Variants in AARSD1 observed in about 807,000 individuals in gnomAD.
AARSD1 encodes alanyl-tRNA editing protein Aarsd1.
In AARSD1, 44 loss-of-function variants were observed where a neutral mutation model predicts 48.7. That is an observed-to-expected ratio of 0.90 (90% CI 0.71 to 1.16). The LOEUF (loss-of-function observed/expected upper bound fraction) is 1.16. Ranked by LOEUF, AARSD1 falls within the 50% of genes most tolerant of loss-of-function variation. The pLI is 0.00. For missense variants in AARSD1, 511 were observed against 523.1 expected (o/e 0.98, Z 0.23); for synonymous variants, 189 against 194.9 (o/e 0.97, Z 0.25).
At chr17:42,961,516 C>CA (rs2049637941) in intron 2 of AARSD1, among the ~76,000 whole-genome samples, 165 bp from the exon 3 acceptor site, 1 of 152,192 alleles carries the variant, frequency 6.6e-6, no homozygotes, top group African/African-American at 2.4e-5. Context: ...AGAGGATTCT[C>CA]AGTCCTTTTC....
chr17:42,956,300 A>G lies in AARSD1; in HGVS notation c.567T>C (p.Pro189=), dbSNP rs781748785. Residue 189 remains proline, a synonymous_variant, in exon 6 of 12, where the codon CCT becomes CCC. Transcript: ENST00000427569. ...EVEQVSGRGL[P]DDHAGPIRVV... is the part of the protein sequence containing the mutation. ...CCCGAATGGGCCCAGCATGATCATC[A>G]GGCAAACCCCGGCCACTCACCTGGA... 15 of 1,614,104 alleles carry G rather than the reference A, an allele frequency of 9.3e-6. No homozygotes were observed. The Admixed American group carries it at 2.3e-4, about 25-fold the overall frequency.
intron 3 of AARSD1, among the ~76,000 whole-genome samples, chr17:42,959,796 T>C (rs1041911120): frequency 6.6e-6 from 1 of 151,770 alleles, no homozygotes; most frequent in Non-Finnish European, 1.5e-5. Context: ...CCTGAGCAGC[T>C]AGGACTACAG....
intron 3 of AARSD1, among the ~76,000 whole-genome samples, chr17:42,958,678 C>T (rs2049591062): frequency 6.7e-6 from 1 of 150,176 alleles, no homozygotes; most frequent in South Asian, 2.1e-4. Flanking sequence ...TCAAGCGATT[C>T]TCCTGCCTCA....
intron 3 of AARSD1, 48 bp downstream of exon 3, chr17:42,961,144 C>CA (rs754986118): frequency 6.4e-7 from 1 of 1,570,262 alleles, no homozygotes; most frequent in Admixed American, 1.9e-5. Context: ...ACAGCATCCC[C>CA]ATACATGGCA....
intron 6 of AARSD1, 112 bp from the exon 7 acceptor site, chr17:42,956,084 A>G (rs899284507): frequency 1.2e-6 from 2 of 1,609,244 alleles, no homozygotes; most frequent in African/African-American, 2.7e-5. Flanking sequence ...GCTCTGAAAC[A>G]GTGAAGGGGA....
intron 3 of AARSD1, among the ~76,000 whole-genome samples, chr17:42,959,440 T>G (rs2049602190): frequency 6.6e-6 from 1 of 151,708 alleles, no homozygotes; most frequent in African/African-American, 2.4e-5. Context: ...GGTCTCGAAC[T>G]CCTGGCCTCA....
chr17:42,953,379 G>A (rs1253605280), intron 10 of AARSD1, among the ~76,000 whole-genome samples: 2 of 152,058 alleles, frequency 1.3e-5, no homozygotes, highest in Non-Finnish European at 2.9e-5. Context: ...CAAAGTGCTG[G>A]GATTACATGC....
chr17:42,962,226 G>T, intron 2 of AARSD1: 1 of 306,104 alleles, frequency 3.3e-6, no homozygotes, highest in Admixed American at 3.6e-5. Flanking sequence ...CTTGAACCTG[G>T]CAGACGGAGA....
intron 3 of AARSD1, among the ~76,000 whole-genome samples, chr17:42,960,637 G>A (rs928075534): frequency 9.4e-5 from 14 of 149,730 alleles, no homozygotes; most frequent in African/African-American, 2.2e-4. Flanking sequence ...CAGGAGAATC[G>A]CTTGAACCCG....
Position 42,950,672 on chromosome 17 carries a change from T to A in AARSD1, c.1160A>T (p.Lys387Met), listed in dbSNP as rs750412082. ...CATCCGCCGGCTCATCTTGGTGGCC[T>A]TGCCCTGAAAACGGCCTTTCTTCCC... ...GAGKKGRFQGKATKMSRRMEA... is the reference protein window; with the variant it reads ...GAGKKGRFQGMATKMSRRMEA... The change falls in exon 12 of 12, where the codon AAG (lysine) becomes ATG (methionine). Residue 387 changes from lysine (K) to methionine (M), a missense_variant. Physicochemically the swap from Lys to Met is moderately conservative, Grantham distance 95. Transcript: ENST00000427569. 64 of 1,613,906 alleles carry A rather than the reference T, an allele frequency of 4.0e-5. No homozygotes were observed. The highest frequency in any genetic ancestry group is 5.1e-5 in the Non-Finnish European group (60 of 1,179,996).
rs1466489897 is a variant in AARSD1 at position 42,956,202 on chromosome 17, A to C, written c.663+2T>G. ...GCCACTCCACAGCCGTTCCTCACTT[A>C]CCTGAAGGTCACTGAGATTGCTCAC... On this transcript the variant is annotated splice_donor_variant, in intron 6 of 11. Coordinates refer to ENST00000427569, the MANE Select transcript of AARSD1 (RefSeq NM_001261434.2). LOFTEE classifies it high-confidence loss of function. 1.2e-6 allele frequency: 2 copies of C among 1,613,720 alleles called. No individual in the cohort carries two copies. The highest frequency in any genetic ancestry group is 1.7e-6 in the Non-Finnish European group (2 of 1,179,976).
intron 2 of AARSD1, 38 bp downstream of exon 2, chr17:42,964,068 G>C (rs367864000): frequency 9.5e-5 from 154 of 1,612,984 alleles, no homozygotes; most frequent in Middle Eastern, 1.6e-4. Flanking sequence ...TGAGCACAAA[G>C]AAACTGGGGG....
At chr17:42,950,820 G>C in intron 11 of AARSD1, 92 bp from the exon 12 acceptor site, 3 of 1,509,342 alleles carry the variant, frequency 2.0e-6, no homozygotes, top group Non-Finnish European at 2.6e-6. Context: ...GGGACTGGGA[G>C]AGGGATAAGA....
chr17:42,955,007 A>T (rs764566448), intron 8 of AARSD1, 40 bp from the exon 9 acceptor site: 2 of 1,613,728 alleles, frequency 1.2e-6, no homozygotes, highest in South Asian at 2.2e-5. Context: ...AATGGAAAGG[A>T]TAACAATAGA....
intron 4 of AARSD1, 60 bp downstream of exon 4, chr17:42,957,078 C>T (rs1221458821): frequency 2.1e-5 from 33 of 1,601,272 alleles, no homozygotes; most frequent in East Asian, 9.0e-5. Flanking sequence ...CTCCCACCTC[C>T]GCCTCCCTCC....
At chr17:42,954,264 G>A (rs935361652) in intron 9 of AARSD1, among the ~76,000 whole-genome samples, 4 of 152,010 alleles carry the variant, frequency 2.6e-5, no homozygotes, top group African/African-American at 7.2e-5. Flanking sequence ...GCTGAAGCAC[G>A]AGAACCGCTT....
At chr17:42,952,156 A>T in intron 10 of AARSD1, 2 of 465,480 alleles carry the variant, frequency 4.3e-6, no homozygotes, top group Non-Finnish European at 7.9e-6. Flanking sequence ...AATGCCTTTC[A>T]TGGTTTCACT....
At position 42,956,517 on chromosome 17, in the gene AARSD1, A is replaced by G. The variant is rs762614777; in HGVS notation, c.433T>C (p.Ser145Pro). ...GCAGCTACTTGCTCTGCAGTCATAG[A>G]GGGGGTGTCCAGCTCAATCGCACTC... ...FRSAIELDTP[S>P]MTAEQVAAIE... The change falls in exon 5 of 12, where the codon TCT becomes CCT. Residue 145 changes from serine (S) to proline (P), a missense_variant. Coordinates refer to ENST00000427569, the MANE Select transcript of AARSD1 (RefSeq NM_001261434.2). 1 of 1,613,984 alleles carries G rather than the reference A, an allele frequency of 6.2e-7. No individual in the cohort carries two copies. Among genetic ancestry groups the G allele is most frequent in the Admixed American group, 1.7e-5 (1 of 59,974 alleles).
Position 42,957,658 on chromosome 17 carries a change from A to G in AARSD1, c.332-463T>C, listed in dbSNP as rs182961967. On this transcript the variant is annotated intron_variant, in intron 3 of 11. Transcript: ENST00000427569. ...GCTAATTTTTCTACTTTTAGTAGAG[A>G]TGGGGTTTCACCACGTTGGCCAAGC... 3.2e-3 allele frequency: 496 copies of G among 153,942 alleles called. 2 individuals carry two copies. Among genetic ancestry groups the G allele is most frequent in the Non-Finnish European group, 5.9e-3 (407 of 69,190 alleles). 9.5% of individuals were successfully genotyped at this position (153,942 alleles called of 1,614,324 possible). A position where few individuals can be genotyped will look rare whatever the true frequency, so the allele number is the denominator to read the frequency against.
Sources: allele counts gnomAD v4.1 joint callset (sites outside exome capture counted in the v4.1 genomes callset), GRCh38; gene constraint gnomAD v4.1.1; transcripts MANE v1.5; gene names NCBI Gene and HGNC (gene_info 2026-07-23, HGNC 2026-07-21).